The following BET1 variants were observed in gnomAD, a reference collection of about 807,000 sequenced individuals.
The protein encoded by BET1 is BET1 homolog.
A neutral mutation model predicts 13.9 loss-of-function variants in BET1; 9 were observed. The ratio of observed to expected loss-of-function variants is 0.65; its 90% CI spans 0.39 to 1.13. The LOEUF (loss-of-function observed/expected upper bound fraction) is 1.13, where lower values mean the gene tolerates loss of function less well. Ranked by LOEUF, BET1 falls within the 50% of genes most tolerant of loss-of-function variation. The pLI, the probability that BET1 is intolerant of heterozygous loss-of-function variation, is 0.01. For missense variants in BET1, 127 were observed against 133.6 expected, an observed-to-expected ratio of 0.95 and a Z score of 0.24; for synonymous variants, 39 against 47.3, an observed-to-expected ratio of 0.82 and a Z score of 0.72.
In BET1 at chr7:93,999,551, G is replaced by A. The variant is rs1795849789; in HGVS notation, c.20-257C>T. ...TTCTGGATTGCTTATTGATTGTCCA[G>A]AAGATACAAAAATAGGTACTAATAC... On this transcript the variant is annotated intron_variant, in intron 1 of 3. Transcript: ENST00000222547. 8.5e-6 allele frequency: 4 copies of A among 470,648 alleles called. No homozygotes were observed. In the Admixed American group the frequency reaches 1.2e-4, roughly 14 times the overall value. The allele number at this position is 470,648 out of a possible 1,614,324, so 29.2% of individuals were successfully genotyped here. A position where few individuals can be genotyped will look rare whatever the true frequency, so the allele number is the denominator to read the frequency against.
In BET1 at chr7:94,004,275, T is replaced by A; in HGVS notation, c.-59A>T. 1 of 1,612,020 alleles carries A rather than the reference T, an allele frequency of 6.2e-7. No homozygotes were observed. The highest frequency in any genetic ancestry group is 8.5e-7 in the Non-Finnish European group (1 of 1,178,298). On this transcript the variant is annotated 5_prime_UTR_variant, in exon 1 of 4. Transcript: ENST00000222547. ...GGGCTTTGGGTGAGTAGGAAACAGC[T>A]AGGGGCGACCCGGACCGCGTCTTCA...
At chr7:93,996,513 A>G (rs1795774615) in intron 2 of BET1, among the ~76,000 whole-genome samples, 192 bp from the exon 3 acceptor site, 1 of 151,936 alleles carries the variant, frequency 6.6e-6, no homozygotes, top group African/African-American at 2.4e-5. Flanking sequence ...ACTCCTCCCA[A>G]TTATGGACAT....
intron 2 of BET1, 118 bp from the exon 3 acceptor site, chr7:93,996,439 C>T (rs1795773455): frequency 3.1e-6 from 2 of 645,768 alleles, no homozygotes; most frequent in Non-Finnish European, 5.1e-6. Flanking sequence ...CTTCTAGACA[C>T]ATAAACTCTC....
chr7:93,998,622 C>G (rs1795823344), intron 2 of BET1, among the ~76,000 whole-genome samples: 1 of 151,932 alleles, frequency 6.6e-6, no homozygotes. Context: ...TTGCTTTAAC[C>G]TAGGAGGCAG....
chr7:93,987,115 TTTTG>T (rs1339541862), intron 4 of BET1: 3 of 152,078 alleles, frequency 2.0e-5, no homozygotes, highest in Non-Finnish European at 4.4e-5. Context: ...GTTTTTTTGT[TTTTG>T]TTTTTTGTTT....
At chr7:93,989,711 T>C (rs976862873), downstream of BET1, among the ~76,000 whole-genome samples, 1 of 152,260 alleles carries the variant, frequency 6.6e-6, no homozygotes, top group Admixed American at 6.5e-5. Flanking sequence ...AAATAGGGTT[T>C]ATGGCAATTT....
intron 5 of BET1, among the ~76,000 whole-genome samples, chr7:93,975,692 A>T (rs1016945992): frequency 5.3e-5 from 8 of 152,114 alleles, no homozygotes; most frequent in Non-Finnish European, 1.2e-4. Flanking sequence ...GTCATCCTTT[A>T]TGTTTTAATT....
intron 5 of BET1, among the ~76,000 whole-genome samples, chr7:93,973,274 A>C (rs1379329609): frequency 6.6e-6 from 1 of 151,968 alleles, no homozygotes; most frequent in Non-Finnish European, 1.5e-5. Flanking sequence ...CAGTCTTACT[A>C]CTAAGCAAAA....
chr7:93,969,572 A>T (rs1584122590), intron 6 of BET1: 1 of 151,872 alleles, frequency 6.6e-6, no homozygotes, highest in African/African-American at 2.4e-5. Context: ...CTAGGAGAGA[A>T]AGATTCATTT....
chr7:93,969,900 T>C (rs946592566), intron 6 of BET1, among the ~76,000 whole-genome samples: 1 of 151,674 alleles, frequency 6.6e-6, no homozygotes. Context: ...AATTTCAAAA[T>C]TGAATTGCAG....
At position 93,993,736 on chromosome 7, in the gene BET1, C is replaced by A; in HGVS notation, c.*494G>T. ...AGATTGTAGGTAAAAAGAAATCAGC[C>A]TACAATTTTAACTAAATAAAGGAGG... On this transcript the variant is annotated 3_prime_UTR_variant, in exon 4 of 4. Transcript: ENST00000222547. The A allele has an allele frequency of 2.2e-6, 3 of 1,343,024 alleles. No individual in the cohort carries two copies. Among genetic ancestry groups the A allele is most frequent in the Non-Finnish European group, 9.5e-7 (1 of 1,053,430 alleles). 83.2% of individuals were successfully genotyped at this position (1,343,024 alleles called of 1,614,324 possible). A position where few individuals can be genotyped will look rare whatever the true frequency, so the allele number is the denominator to read the frequency against.
chr7:93,977,989 G>A (rs1299485617), intron 4 of BET1, among the ~76,000 whole-genome samples: 1 of 152,022 alleles, frequency 6.6e-6, no homozygotes, highest in Admixed American at 6.6e-5. Flanking sequence ...TAGCATCTGA[G>A]GCCATAATCT....
intron 1 of BET1, among the ~76,000 whole-genome samples, chr7:94,003,091 A>G (rs561651664): frequency 1.3e-5 from 2 of 152,358 alleles, no homozygotes; most frequent in Non-Finnish European, 2.9e-5. Context: ...AGCTTACTCA[A>G]GCACACAATA....
At chr7:93,966,112 T>G (rs1795168797) in intron 6 of BET1, among the ~76,000 whole-genome samples, 1 of 151,984 alleles carries the variant, frequency 6.6e-6, no homozygotes, top group Admixed American at 6.6e-5. Context: ...TCACTTAAGC[T>G]ACCTGGAATC....
chr7:93,992,516 C>A, downstream of BET1: 5 of 985,222 alleles, frequency 5.1e-6, no homozygotes, highest in Non-Finnish European at 6.0e-6. Flanking sequence ...TTCTGAATCT[C>A]CCGTGAGCTC....
chr7:93,994,368 G>A lies in BET1; in HGVS notation c.219C>T (p.Ser73=). ...TAGTTTTACCTAGAAATCCAGTTGT[G>A]GAATCAAATTGTGAATCCTATCAGA... is the stretch of plus-strand genomic sequence containing the variant. ...LLAEMDSQFD[S]TTGFLGKTMG... Residue 73 remains serine, a synonymous_variant, in exon 4 of 4, where the codon TCC becomes TCT. Transcript: ENST00000222547. 6.2e-7 allele frequency: 1 copy of A among 1,612,356 alleles called. No homozygotes were observed. The highest frequency in any genetic ancestry group is 1.1e-5 in the South Asian group (1 of 90,580).
chr7:93,972,045 G>T (rs1382297515), intron 6 of BET1, among the ~76,000 whole-genome samples: 8 of 151,686 alleles, frequency 5.3e-5, no homozygotes, highest in African/African-American at 1.7e-4. Context: ...GTCAAGCTAA[G>T]ATTGTGCTCC....
chr7:93,964,197 T>C (rs1584118808), exon 7 of BET1: 2 of 152,068 alleles, frequency 1.3e-5, no homozygotes, highest in East Asian at 1.9e-4. Flanking sequence ...GATGCTGAGG[T>C]TTGAGATATG....
At chr7:93,983,875 C>T (rs1795474676) in intron 4 of BET1, among the ~76,000 whole-genome samples, 1 of 152,080 alleles carries the variant, frequency 6.6e-6, no homozygotes, top group Non-Finnish European at 1.5e-5. Context: ...TAGCCAGAGC[C>T]CTGTATTTTG....
Sources: gnomAD v4.1 joint callset for allele counts (sites outside exome capture counted in the v4.1 genomes callset) on GRCh38, gnomAD v4.1.1 for gene constraint, MANE v1.5 for transcripts, NCBI Gene and HGNC (gene_info 2026-07-23, HGNC 2026-07-21) for gene names.